NKAPD1: variants seen among roughly 807,000 people sequenced by gnomAD.
NKAPD1 encodes the protein uncharacterized protein NKAPD1.
In NKAPD1, 12 loss-of-function variants were observed where a neutral mutation model predicts 30.9. The ratio of observed to expected loss-of-function variants is 0.39; its 90% confidence interval spans 0.25 to 0.63. The LOEUF (loss-of-function observed/expected upper bound fraction) is 0.63, where lower values mean the gene tolerates loss of function less well. NKAPD1 is among the 20% of genes least tolerant of loss of function. NKAPD1 has a pLI of 0.51. For missense variants in NKAPD1, 311 were observed against 344.5 expected (o/e 0.90, Z 0.77); for synonymous variants, 91 against 113.6 (o/e 0.80, Z 1.26).
In NKAPD1 at chr11:112,084,097, TG is replaced by T. The variant is rs1865522984; in HGVS notation, c.*1126del. On this transcript the variant is annotated 3_prime_UTR_variant, in exon 6 of 6. Coordinates refer to ENST00000393047, the MANE Select transcript of NKAPD1 (RefSeq NM_018195.4). ...AAGTGACGTATTATTTTTTCCTGGT[TG>T]TCACTTAATGGGCTGAGTAAAAAGC... is the stretch of plus-strand genomic sequence containing the variant. The T allele has an allele frequency of 6.6e-6, 1 of 152,630 alleles. No homozygotes were observed. Among genetic ancestry groups the T allele is most frequent in the Non-Finnish European group, 1.5e-5 (1 of 68,038 alleles). 9.5% of individuals were successfully genotyped at this position (152,630 alleles called of 1,614,324 possible).
Position 112,074,656 on chromosome 11 carries a change from C to G in NKAPD1, c.-269C>G, listed in dbSNP as rs1555185344. ...CCAGGTCAACCGGGCTGTCCGAATTCCGCCCCGGCTCAGCCTCCGGCCTCA... is the reference window on the plus strand; with the variant it reads ...CCAGGTCAACCGGGCTGTCCGAATTGCGCCCCGGCTCAGCCTCCGGCCTCA... On this transcript the variant is annotated 5_prime_UTR_variant, in exon 1 of 6. Transcript: ENST00000393047. 2 of 396,312 alleles carry G rather than the reference C, an allele frequency of 5.0e-6. No homozygotes were observed. The highest frequency in any genetic ancestry group is 8.9e-6 in the Non-Finnish European group (2 of 225,038). The allele number at this position is 396,312 out of a possible 1,614,324, so 24.5% of individuals were successfully genotyped here. A position where few individuals can be genotyped will look rare whatever the true frequency, so the allele number is the denominator to read the frequency against.
chr11:112,077,012 G>A (rs1865343907), intron 2 of NKAPD1, among the ~76,000 whole-genome samples: 1 of 152,236 alleles, frequency 6.6e-6, no homozygotes, highest in Admixed American at 6.5e-5. Context: ...GATTATTGAT[G>A]TATAGGTTGA....
intron 1 of NKAPD1, 21 bp downstream of exon 1, chr11:112,074,937 T>C (rs149794132): frequency 1.2e-3 from 195 of 161,414 alleles, no homozygotes; most frequent in African/African-American, 4.2e-3. Flanking sequence ...GTTGGGGTGG[T>C]TGCACAAAGC....
At chr11:112,078,460 C>A in intron 3 of NKAPD1, 145 bp downstream of exon 3, 1 of 705,360 alleles carries the variant, frequency 1.4e-6, no homozygotes, top group Non-Finnish European at 2.5e-6. Flanking sequence ...TAGACCCAGG[C>A]ATAAAGATAA....
At chr11:112,075,520 G>A in intron 1 of NKAPD1, 47 bp from the exon 2 acceptor site, 4 of 1,416,230 alleles carry the variant, frequency 2.8e-6, no homozygotes, top group Non-Finnish European at 3.0e-6. Flanking sequence ...AAAAGATAAA[G>A]TAATAACAGA....
At chr11:112,079,295 G>A (rs1865395537) in intron 3 of NKAPD1, among the ~76,000 whole-genome samples, 2 of 151,944 alleles carry the variant, frequency 1.3e-5, no homozygotes, top group African/African-American at 2.4e-5. Context: ...ACAGGCACCT[G>A]CCACCACGCC....
intron 2 of NKAPD1, among the ~76,000 whole-genome samples, chr11:112,077,493 C>T (rs999776604): frequency 2.3e-4 from 35 of 152,212 alleles, no homozygotes; most frequent in African/African-American, 7.7e-4. Flanking sequence ...TTGTTAAAAT[C>T]TCTGAGCTTT....
chr11:112,082,437 G>C (rs540025796), intron 5 of NKAPD1, 28 bp from the exon 6 acceptor site: 2 of 1,468,040 alleles, frequency 1.4e-6, no homozygotes, highest in South Asian at 1.5e-5. Context: ...TTACATAAAA[G>C]CTTCTATTTT....
At position 112,080,534 on chromosome 11, in the gene NKAPD1, A is replaced by T; in HGVS notation, c.296A>T (p.Asp99Val). 1 of 1,613,932 alleles carries T rather than the reference A, an allele frequency of 6.2e-7. No homozygotes were observed. Among genetic ancestry groups the T allele is most frequent in the Non-Finnish European group, 8.5e-7 (1 of 1,180,008 alleles). The change falls in exon 4 of 6, where the codon GAT becomes GTT. Residue 99 changes from aspartate to valine, a missense_variant. Asp to Val is a radical substitution (Grantham distance 152, BLOSUM62 -3). Transcript: ENST00000393047. The stretch of plus-strand genomic sequence containing the variant: ...AAATCCTGGAATAAAAAGTTCTATG[A>T]TTATGAAGCAAACATGCCAGACAGG... ...KAKSWNKKFY[D>V]YEANMPDRWG... is the part of the protein sequence containing the mutation.
At chr11:112,075,670 C>T (rs376469641) in intron 2 of NKAPD1, 27 bp downstream of exon 2, 73 of 1,600,898 alleles carry the variant, frequency 4.6e-5, no homozygotes, top group Non-Finnish European at 6.0e-5. Context: ...AGTTACTCCT[C>T]AACGCTTACT....
chr11:112,077,878 C>A (rs1285784172), intron 2 of NKAPD1, among the ~76,000 whole-genome samples: 1 of 151,038 alleles, frequency 6.6e-6, no homozygotes, highest in Non-Finnish European at 1.5e-5. Context: ...CAGAGTCTCA[C>A]TCCATCGCCC....
intron 3 of NKAPD1, among the ~76,000 whole-genome samples, chr11:112,079,664 T>C (rs565333341): frequency 1.8e-3 from 272 of 152,310 alleles, no homozygotes; most frequent in African/African-American, 6.3e-3. Flanking sequence ...AAGTGTCCCT[T>C]GCTATGATTA....
At position 112,084,799 on chromosome 11, in the gene NKAPD1, C is replaced by CTTT. The variant is rs71301698; in HGVS notation, c.*1842_*1844dup. 27,362 of 100,286 alleles carry CTTT rather than the reference C, an allele frequency of 0.27. 4,439 individuals carry two copies. The highest frequency in any genetic ancestry group is 0.53 in the East Asian group (1,737 of 3,262). The allele number at this position is 100,286 out of a possible 1,614,324, so 6.2% of individuals were successfully genotyped here. A position where few individuals can be genotyped will look rare whatever the true frequency, so the allele number is the denominator to read the frequency against. On this transcript the variant is annotated 3_prime_UTR_variant, in exon 6 of 6. Transcript: ENST00000393047. ...CTTTCGCAAGGAATACACATCTTGC[C>CTTT]TTTTTTTTTTTTTTTTTGCCATGTT...
chr11:112,078,185 T>C, intron 2 of NKAPD1, 30 bp from the exon 3 acceptor site: 1 of 1,508,222 alleles, frequency 6.6e-7, no homozygotes, highest in Non-Finnish European at 9.0e-7. Flanking sequence ...TTTTAGTAAC[T>C]TATTTTTATT....
At position 112,074,710 on chromosome 11, in the gene NKAPD1, TG is replaced by T. The variant is rs1865273072; in HGVS notation, c.-212del. ...CGGGAGAGAGATCTGCCTGTCGGTC[TG>T]GGCTGGGGGAAACGCGGCAGTGGCC... On this transcript the variant is annotated 5_prime_UTR_variant, in exon 1 of 6. It introduces an in-frame stop codon into an upstream open reading frame of the 5' UTR. Transcript: ENST00000393047. 2 of 386,924 alleles carry T rather than the reference TG, an allele frequency of 5.2e-6. No individual in the cohort carries two copies. Among genetic ancestry groups the T allele is most frequent in the Admixed American group, 9.0e-5 (2 of 22,310 alleles). 24.0% of individuals were successfully genotyped at this position (386,924 alleles called of 1,614,324 possible). A position where few individuals can be genotyped will look rare whatever the true frequency, so the allele number is the denominator to read the frequency against.
At chr11:112,076,633 A>C (rs1185763178) in intron 2 of NKAPD1, among the ~76,000 whole-genome samples, 1 of 152,222 alleles carries the variant, frequency 6.6e-6, no homozygotes, top group African/African-American at 2.4e-5. Flanking sequence ...GTATTCTTAT[A>C]GTAAAGTAGC....
At chr11:112,080,939 T>G in intron 4 of NKAPD1, 1 of 183,476 alleles carries the variant, frequency 5.5e-6, no homozygotes, top group Non-Finnish European at 1.1e-5. Flanking sequence ...GGCAATTCCA[T>G]AGAGACAGAA....
In NKAPD1 at chr11:112,083,044, ACT is replaced by A. The variant is rs1450478797; in HGVS notation, c.*75_*76del. 2.0e-6 allele frequency: 3 copies of A among 1,493,604 alleles called. No individual in the cohort carries two copies. The highest frequency in any genetic ancestry group is 2.7e-6 in the Non-Finnish European group (3 of 1,120,782). The allele number at this position is 1,493,604 out of a possible 1,614,324, so 92.5% of individuals were successfully genotyped here. ...CTTACTCCTTGTGGTTTTGCCAGTG[ACT>A]CTTGTTCAGCACGGGGCCTGAGGTC... On this transcript the variant is annotated 3_prime_UTR_variant, in exon 6 of 6. Transcript: ENST00000393047.
At chr11:112,076,766 C>T (rs1865338833) in intron 2 of NKAPD1, among the ~76,000 whole-genome samples, 1 of 152,180 alleles carries the variant, frequency 6.6e-6, no homozygotes. Flanking sequence ...AGTGGACCTG[C>T]ACAGTTGAGA....
Sources: allele counts gnomAD v4.1 joint callset (sites outside exome capture counted in the v4.1 genomes callset), GRCh38; gene constraint gnomAD v4.1.1; transcripts MANE v1.5; gene names NCBI Gene and HGNC (gene_info 2026-07-23, HGNC 2026-07-21).